Variants in PRKAG2 observed in about 807,000 individuals in gnomAD.
PRKAG2 encodes protein kinase AMP-activated non-catalytic subunit gamma 2.
PRKAG2 carries 26 observed loss-of-function variants against 69.6 expected under a neutral mutation model. That is an observed-to-expected ratio of 0.37 (90% CI 0.27 to 0.52). PRKAG2 has a LOEUF of 0.52. PRKAG2 is among the 20% of genes least tolerant of loss of function. The probability of loss-of-function intolerance (pLI) is 0.90; values close to 1 mark genes in which losing one functional copy is unlikely to be tolerated. For synonymous variants in PRKAG2, 293 were observed against 285.0 expected, an observed-to-expected ratio of 1.03 and a Z score of -0.28; for missense variants, 557 against 740.0, an observed-to-expected ratio of 0.75 and a Z score of 2.87.
chr7:151,742,980 G>A (rs1400413116), intron 3 of PRKAG2, among the ~76,000 whole-genome samples: 5 of 152,186 alleles, frequency 3.3e-5, no homozygotes, highest in African/African-American at 1.2e-4. Flanking sequence ...CCCTTCTTCA[G>A]CATACGTGGG....
chr7:151,619,266 T>C (rs1820903830), intron 5 of PRKAG2, among the ~76,000 whole-genome samples: 1 of 152,216 alleles, frequency 6.6e-6, no homozygotes, highest in Non-Finnish European at 1.5e-5. Flanking sequence ...AGAACGGTGA[T>C]GGCCAAGGAG....
chr7:151,825,441 T>C (rs1240152387), intron 1 of PRKAG2, among the ~76,000 whole-genome samples: 1 of 152,160 alleles, frequency 6.6e-6, no homozygotes, highest in African/African-American at 2.4e-5. Context: ...GGGAGTCTTT[T>C]TGTATAATAA....
intron 3 of PRKAG2, among the ~76,000 whole-genome samples, chr7:151,742,287 C>T (rs1330551127): frequency 2.0e-5 from 3 of 152,300 alleles, no homozygotes; most frequent in East Asian, 3.9e-4. Flanking sequence ...TTTCTCTCTA[C>T]ATCCTGATTT....
At chr7:151,748,523 AG>A (rs1186626380) in intron 3 of PRKAG2, among the ~76,000 whole-genome samples, 1 of 152,184 alleles carries the variant, frequency 6.6e-6, no homozygotes, top group Non-Finnish European at 1.5e-5. Flanking sequence ...ATAGTTGACG[AG>A]GCATATGATT....
chr7:151,581,678 T>C (rs1003678056), intron 6 of PRKAG2, among the ~76,000 whole-genome samples: 1 of 152,156 alleles, frequency 6.6e-6, no homozygotes, highest in African/African-American at 2.4e-5. Context: ...GTACAAATGA[T>C]CACATATAGA....
Position 151,557,028 on chromosome 7 carries a change from C to T in PRKAG2, c.*173G>A. ...GTCTTTTAATGCAAGCCTGAATCTT[C>T]AAGCACATAAAATCTTTCTTTTTTA... On this transcript the variant is annotated 3_prime_UTR_variant, in exon 16 of 16. Transcript: ENST00000287878. The T allele has an allele frequency of 9.2e-7, 1 of 1,089,810 alleles. No individual in the cohort carries two copies. The highest frequency in any genetic ancestry group is 1.3e-6 in the Non-Finnish European group (1 of 746,526). The allele number at this position is 1,089,810 out of a possible 1,614,324, so 67.5% of individuals were successfully genotyped here.
chr7:151,805,960 A>G (rs1410895485), intron 1 of PRKAG2, among the ~76,000 whole-genome samples: 1 of 152,238 alleles, frequency 6.6e-6, no homozygotes, highest in Admixed American at 6.5e-5. Flanking sequence ...GCATTTTGGG[A>G]GGCCAAGGCA....
chr7:151,612,725 C>T (rs116483973), intron 5 of PRKAG2, among the ~76,000 whole-genome samples: 2,012 of 152,328 alleles, frequency 0.013, 36 homozygotes, highest in African/African-American at 0.044. Flanking sequence ...TGATGCTCAG[C>T]GAGTGACCGT....
At chr7:151,798,877 CA>C (rs2151835582) in intron 1 of PRKAG2, among the ~76,000 whole-genome samples, 2 of 152,274 alleles carry the variant, frequency 1.3e-5, no homozygotes, top group South Asian at 4.1e-4. Flanking sequence ...TTTATTACCA[CA>C]AGGGTGTGGT....
At chr7:151,801,475 C>T (rs1036676000) in intron 1 of PRKAG2, among the ~76,000 whole-genome samples, 4 of 152,182 alleles carry the variant, frequency 2.6e-5, no homozygotes, top group Admixed American at 6.5e-5. Flanking sequence ...GGCCAGGGAC[C>T]AGCTGCAGGC....
At chr7:151,748,521 C>T (rs753242495) in intron 3 of PRKAG2, among the ~76,000 whole-genome samples, 1 of 151,944 alleles carries the variant, frequency 6.6e-6, no homozygotes, top group Non-Finnish European at 1.5e-5. Context: ...AAATAGTTGA[C>T]GAGGCATATG....
chr7:151,583,537 G>A lies in PRKAG2; in HGVS notation c.865-7085C>T, dbSNP rs1249258678. Among the ~76,000 whole-genome samples, 1 of 152,164 alleles carries A rather than the reference G, an allele frequency of 6.6e-6. No homozygotes were observed. Among genetic ancestry groups the A allele is most frequent in the Admixed American group, 6.5e-5 (1 of 15,272 alleles). ...AAACTTGGCTTTCTTAAGAACACGT[G>A]CATGGAGCTGTTTATAAAGCAATTT... On this transcript the variant is annotated intron_variant, in intron 6 of 15. Coordinates refer to ENST00000287878, the MANE Select transcript of PRKAG2 (RefSeq NM_016203.4). This position sits in a 1 kb window ranked among gnomAD's most constrained non-coding sequence, Gnocchi z 4.1.
chr7:151,872,041 T>C (rs991965361), intron 1 of PRKAG2, among the ~76,000 whole-genome samples: 1 of 152,210 alleles, frequency 6.6e-6, no homozygotes, highest in African/African-American at 2.4e-5. Flanking sequence ...CACAGTCCTC[T>C]GAGGCTGGGG....
rs1241928061 is a variant in PRKAG2, at chr7:151,874,513, GTAT to G, written c.114+1991_114+1993del. Among the ~76,000 whole-genome samples the G allele has an allele frequency of 1.5e-4, 17 of 116,818 alleles. 4 individuals carry two copies. The highest frequency in any genetic ancestry group is 4.9e-4 in the Admixed American group (5 of 10,302). 76.6% of individuals were successfully genotyped at this position (116,818 alleles called of 152,430 possible). A position where few individuals can be genotyped will look rare whatever the true frequency, so the allele number is the denominator to read the frequency against. ...TGATGTATATGTATATGATGTATAT[GTAT>G]ATGTATATGATGTATATGTATATGT... On this transcript the variant is annotated intron_variant, in intron 1 of 15. Coordinates refer to ENST00000287878, the MANE Select transcript of PRKAG2 (RefSeq NM_016203.4).
intron 3 of PRKAG2, among the ~76,000 whole-genome samples, chr7:151,730,715 C>T (rs771173453): frequency 1.3e-5 from 2 of 152,150 alleles, no homozygotes; most frequent in Non-Finnish European, 2.9e-5. Context: ...CTTCTCAGCC[C>T]TATCCCTCTG....
intron 3 of PRKAG2, among the ~76,000 whole-genome samples, chr7:151,747,178 G>GC (rs576545096): frequency 6.6e-6 from 1 of 151,912 alleles, no homozygotes; most frequent in Admixed American, 6.6e-5. Flanking sequence ...TCATAACTCA[G>GC]TGGCTGCTGC....
chr7:151,687,072 G>C (rs1002167366), intron 3 of PRKAG2, among the ~76,000 whole-genome samples: 2 of 152,180 alleles, frequency 1.3e-5, no homozygotes, highest in Non-Finnish European at 2.9e-5. Context: ...TAGCATATGG[G>C]TATTTACATG....
At chr7:151,787,429 C>T (rs887598148) in intron 1 of PRKAG2, among the ~76,000 whole-genome samples, 1 of 151,974 alleles carries the variant, frequency 6.6e-6, no homozygotes, top group Admixed American at 6.6e-5. Flanking sequence ...TCTGACCACT[C>T]TAGGTACCTC....
chr7:151,826,126 C>G lies in PRKAG2; in HGVS notation c.115-39585G>C, dbSNP rs944850616. 3.9e-5 allele frequency among the ~76,000 whole-genome samples: 6 copies of G among 152,146 alleles called. No individual in the cohort carries two copies. The South Asian group carries it at 8.3e-4, about 21-fold the overall frequency. On this transcript the variant is annotated intron_variant, in intron 1 of 15. Transcript: ENST00000287878. ...CACCACCGCCCTGCCCTAAACACCC[C>G]CACCCATCCATTCTCTCTTTCTCCA...
Sources: allele counts gnomAD v4.1 joint callset (sites outside exome capture counted in the v4.1 genomes callset), GRCh38; gene constraint gnomAD v4.1.1; non-coding constraint Gnocchi (gnomAD v3.1); transcripts MANE v1.5; gene names NCBI Gene and HGNC (gene_info 2026-07-23, HGNC 2026-07-21).